The following CDK6 variants were observed in gnomAD, a reference collection of about 807,000 sequenced individuals.
CDK6 encodes cyclin dependent kinase 6, also known as cyclin-dependent kinase 6.
Under a neutral mutation model 37.1 loss-of-function variants are expected in CDK6, and 6 were observed. That is an observed-to-expected ratio of 0.16 (90% confidence interval 0.09 to 0.32). CDK6 has a LOEUF of 0.32. Among genes scored for constraint, CDK6 ranks in the 10% least tolerant of loss-of-function variants. The pLI, the probability that CDK6 is intolerant of heterozygous loss-of-function variation, is 1.00. For synonymous variants in CDK6, 160 were observed against 161.3 expected (o/e 0.99, Z 0.06); for missense variants, 224 against 418.9 (o/e 0.53, Z 4.06).
At chr7:92,689,922 G>A (rs909418735) in intron 4 of CDK6, among the ~76,000 whole-genome samples, 1 of 152,048 alleles carries the variant, frequency 6.6e-6, no homozygotes, top group African/African-American at 2.4e-5. Context: ...CTGCATGTAC[G>A]TCTTCTTTTG....
chr7:92,645,941 A>G (rs1344771222), intron 5 of CDK6, among the ~76,000 whole-genome samples: 1 of 152,236 alleles, frequency 6.6e-6, no homozygotes, highest in Non-Finnish European at 1.5e-5. Flanking sequence ...AAGGAGTCAT[A>G]AAGACTGTGT....
intron 5 of CDK6, among the ~76,000 whole-genome samples, chr7:92,629,171 T>C (rs566856504): frequency 1.3e-5 from 2 of 152,002 alleles, no homozygotes; most frequent in East Asian, 1.9e-4. Context: ...CCCAGACTGA[T>C]AGGAAAAAAC....
intron 3 of CDK6, among the ~76,000 whole-genome samples, chr7:92,750,934 C>T (rs78852722): frequency 0.011 from 1,702 of 152,282 alleles, 17 homozygotes; most frequent in Middle Eastern, 0.044. Context: ...TGAGGCAGAA[C>T]ATGGATTACC....
chr7:92,658,955 G>A (rs983619550), intron 5 of CDK6, among the ~76,000 whole-genome samples: 3 of 152,258 alleles, frequency 2.0e-5, no homozygotes, highest in African/African-American at 7.2e-5. Context: ...CTTTATACTT[G>A]CAAGTTTGAG....
chr7:92,672,230 C>CAG (rs1434628011), intron 4 of CDK6, among the ~76,000 whole-genome samples: 13 of 144,304 alleles, frequency 9.0e-5, no homozygotes, highest in Non-Finnish European at 1.7e-4. Context: ...CACACACACA[C>CAG]ACACACACAC....
At chr7:92,778,934 T>TAG in intron 2 of CDK6, among the ~76,000 whole-genome samples, 1 of 143,090 alleles carries the variant, frequency 7.0e-6, no homozygotes, top group South Asian at 2.2e-4. Flanking sequence ...CATATATATA[T>TAG]ATATATATAT....
At position 92,614,492 on chromosome 7, in the gene CDK6, T is replaced by C. The variant is rs1795629034; in HGVS notation, c.*648A>G. On this transcript the variant is annotated 3_prime_UTR_variant, in exon 8 of 8. Coordinates refer to ENST00000424848, the MANE Select transcript of CDK6 (RefSeq NM_001145306.2). ...GCTGTGTGTATAAAACTTCATCTTT[T>C]ACTGCTAGCAAATTTACTGCTTTTG... 4.3e-6 allele frequency: 1 copy of C among 233,238 alleles called. No individual in the cohort carries two copies. The allele number at this position is 233,238 out of a possible 1,614,324, so 14.4% of individuals were successfully genotyped here.
At chr7:92,708,370 C>T (rs1399355332) in intron 4 of CDK6, among the ~76,000 whole-genome samples, 2 of 152,138 alleles carry the variant, frequency 1.3e-5, no homozygotes, top group East Asian at 3.8e-4. Flanking sequence ...CTATGTGACG[C>T]CCGTTTCTTC....
intron 2 of CDK6, among the ~76,000 whole-genome samples, chr7:92,800,449 T>A (rs1352755885): frequency 6.6e-6 from 1 of 152,234 alleles, no homozygotes; most frequent in African/African-American, 2.4e-5. Context: ...TAATTTTGTC[T>A]TCTGAACTGG....
chr7:92,767,305 T>C (rs1288999551), intron 3 of CDK6, among the ~76,000 whole-genome samples: 2 of 152,206 alleles, frequency 1.3e-5, no homozygotes, highest in Non-Finnish European at 2.9e-5. Context: ...ATAAAAATGT[T>C]CTCCTTTAAG....
intron 4 of CDK6, among the ~76,000 whole-genome samples, chr7:92,680,779 G>T (rs940722327): frequency 2.0e-5 from 3 of 152,084 alleles, no homozygotes; most frequent in Admixed American, 6.5e-5. Context: ...CTCTCTCTGG[G>T]ATTCTCTTTC....
At chr7:92,745,306 G>T (rs1799032219) in intron 3 of CDK6, among the ~76,000 whole-genome samples, 1 of 152,176 alleles carries the variant, frequency 6.6e-6, no homozygotes, top group Non-Finnish European at 1.5e-5. Flanking sequence ...TCAGAGTCCT[G>T]CTCTTTCACA....
In CDK6 at chr7:92,675,376, A is replaced by G. The variant is rs77828277; in HGVS notation, c.538-3841T>C. Among the ~76,000 whole-genome samples the G allele has an allele frequency of 3.4e-3, 524 of 152,348 alleles. 5 individuals carry two copies. The highest frequency in any genetic ancestry group is 6.1e-3 in the Non-Finnish European group (413 of 68,030). On this transcript the variant is annotated intron_variant, in intron 4 of 7. Transcript: ENST00000424848. ...TTTAAAATGTCTATTAATAATGACC[A>G]TATAATCATTTGCCTTTGTTTTATT...
At chr7:92,807,257 T>C (rs555836924) in intron 2 of CDK6, among the ~76,000 whole-genome samples, 6 of 152,314 alleles carry the variant, frequency 3.9e-5, no homozygotes, top group African/African-American at 9.6e-5. Flanking sequence ...TTTTACTCTA[T>C]CTACTTTCTG....
intron 4 of CDK6, among the ~76,000 whole-genome samples, chr7:92,705,256 T>C (rs1320821054): frequency 1.3e-5 from 2 of 152,240 alleles, no homozygotes; most frequent in African/African-American, 2.4e-5. Flanking sequence ...CTCATTAGTA[T>C]ACTGTGTACT....
chr7:92,747,122 GACTAA>G (rs1386787276), intron 3 of CDK6, among the ~76,000 whole-genome samples: 1 of 152,086 alleles, frequency 6.6e-6, no homozygotes, highest in African/African-American at 2.4e-5. Context: ...AATTCAACAA[GACTAA>G]ACTATATAAT....
intron 4 of CDK6, among the ~76,000 whole-genome samples, chr7:92,695,777 G>T (rs1448588896): frequency 6.6e-6 from 1 of 152,244 alleles, no homozygotes; most frequent in Admixed American, 6.5e-5. Context: ...CAGGCTGAAA[G>T]GCTCAGGACG....
Position 92,611,240 on chromosome 7 carries a change from T to C in CDK6, c.*3900A>G, listed in dbSNP as rs1465991067. ...GTGAAACATGCATTCTTTTGAATTATATAAATATCTAAGAGTTTATAATAA... is the reference window on the plus strand; with the variant it reads ...GTGAAACATGCATTCTTTTGAATTACATAAATATCTAAGAGTTTATAATAA... On this transcript the variant is annotated 3_prime_UTR_variant, in exon 8 of 8. Coordinates refer to ENST00000424848, the MANE Select transcript of CDK6 (RefSeq NM_001145306.2). 1 of 225,562 alleles carries C rather than the reference T, an allele frequency of 4.4e-6. No homozygotes were observed. The highest frequency in any genetic ancestry group is 8.8e-6 in the Non-Finnish European group (1 of 113,494). 14.0% of individuals were successfully genotyped at this position (225,562 alleles called of 1,614,324 possible). A position where few individuals can be genotyped will look rare whatever the true frequency, so the allele number is the denominator to read the frequency against.
intron 3 of CDK6, among the ~76,000 whole-genome samples, chr7:92,743,820 G>GCTA (rs967062121): frequency 3.9e-5 from 6 of 152,270 alleles, no homozygotes; most frequent in African/African-American, 1.4e-4. Context: ...AGTAAAAGAA[G>GCTA]CTATACACAA....
Sources: allele counts gnomAD v4.1 joint callset (sites outside exome capture counted in the v4.1 genomes callset), GRCh38; gene constraint gnomAD v4.1.1; transcripts MANE v1.5; gene names NCBI Gene and HGNC (gene_info 2026-07-23, HGNC 2026-07-21).